The following IGHMBP2 variants were observed in gnomAD, a reference collection of about 807,000 sequenced individuals.
IGHMBP2 encodes the protein DNA-binding protein SMUBP-2.
IGHMBP2 carries 81 observed loss-of-function variants against 96.0 expected under a neutral mutation model. The observed-to-expected ratio is 0.84, with a 90% CI of 0.71 to 1.01. The LOEUF (loss-of-function observed/expected upper bound fraction) is 1.01. Among genes scored for constraint, IGHMBP2 ranks in the 50% least tolerant of loss-of-function variants. The pLI, the probability that IGHMBP2 is intolerant of heterozygous loss-of-function variation, is 0.00. For synonymous variants in IGHMBP2, 557 were observed against 548.9 expected (o/e 1.01, Z -0.21); for missense variants, 1,227 against 1,306.3 (o/e 0.94, Z 0.94).
At chr11:68,912,916 C>G (rs1594424489) in intron 5 of IGHMBP2, among the ~76,000 whole-genome samples, 1 of 151,892 alleles carries the variant, frequency 6.6e-6, no homozygotes, top group African/African-American at 2.4e-5. Flanking sequence ...GTGGCACACA[C>G]CTGCAATCCC....
chr11:68,913,330 G>A (rs967229797), intron 5 of IGHMBP2, among the ~76,000 whole-genome samples: 6 of 152,170 alleles, frequency 3.9e-5, no homozygotes, highest in Non-Finnish European at 7.3e-5. Flanking sequence ...ACACCTGTGT[G>A]CACGCTTTGG....
At chr11:68,925,993 A>G (rs1171149038) in intron 7 of IGHMBP2, among the ~76,000 whole-genome samples, 1 of 146,350 alleles carries the variant, frequency 6.8e-6, no homozygotes, top group Non-Finnish European at 1.5e-5. Context: ...AAATTTGGGG[A>G]GTTTTCAGCC....
chr11:68,927,047 G>A (rs2154008120), intron 7 of IGHMBP2, among the ~76,000 whole-genome samples: 1 of 152,346 alleles, frequency 6.6e-6, no homozygotes, highest in East Asian at 1.9e-4. Flanking sequence ...ACAGGCGTAA[G>A]CCACTGCTCC....
chr11:68,932,970 TCTGA>T (rs1859373374), intron 8 of IGHMBP2: 1 of 419,000 alleles, frequency 2.4e-6, no homozygotes, highest in Non-Finnish European at 4.5e-6. Flanking sequence ...GGTGACCTTC[TCTGA>T]CTGACCCTCG....
At chr11:68,926,733 T>A (rs181319715) in intron 7 of IGHMBP2, among the ~76,000 whole-genome samples, 79 of 152,336 alleles carry the variant, frequency 5.2e-4, no homozygotes, top group African/African-American at 1.8e-3. Context: ...AAGATCAGCA[T>A]CTGGGCTTTC....
chr11:68,918,515 A>G (rs191675144), intron 7 of IGHMBP2, among the ~76,000 whole-genome samples: 1 of 152,078 alleles, frequency 6.6e-6, no homozygotes, highest in East Asian at 1.9e-4. Flanking sequence ...TGTGGTATGC[A>G]CCTGTAATTC....
At position 68,919,800 on chromosome 11, in the gene IGHMBP2, A is replaced by G. The variant is rs201579802; in HGVS notation, c.1060+1917A>G. 2.2e-4 allele frequency among the ~76,000 whole-genome samples: 33 copies of G among 152,336 alleles called. No homozygotes were observed. In the East Asian group the frequency reaches 5.8e-3, roughly 27 times the overall value. On this transcript the variant is annotated intron_variant, in intron 7 of 14. Transcript: ENST00000255078. ...GTTTTCTTGATTAATTAACAAATTTATCATTATGAAATGACCTTCTTTATC... is the reference window on the plus strand; with the variant it reads ...GTTTTCTTGATTAATTAACAAATTTGTCATTATGAAATGACCTTCTTTATC...
At chr11:68,932,956 C>T (rs478647) in intron 8 of IGHMBP2, 107,462 of 377,982 alleles carry the variant, frequency 0.28, 17,136 homozygotes, top group South Asian at 0.45. Context: ...AAATCTCTCC[C>T]CTCGGTGACC....
intron 10 of IGHMBP2, 154 bp downstream of exon 10, chr11:68,934,067 C>A: frequency 1.4e-6 from 1 of 697,796 alleles, no homozygotes; most frequent in South Asian, 1.6e-5. Context: ...AGAGGCTGAG[C>A]AGCATCGTTT....
In IGHMBP2 at chr11:68,910,881, C is replaced by CA. The variant is rs10599717; in HGVS notation, c.548-541dup. Among the ~76,000 whole-genome samples the CA allele has an allele frequency of 3.3e-3, 397 of 120,782 alleles. 3 individuals carry two copies. Among genetic ancestry groups the CA allele is most frequent in the African/African-American group, 0.011 (348 of 30,806 alleles). 79.2% of individuals were successfully genotyped at this position (120,782 alleles called of 152,430 possible). A position where few individuals can be genotyped will look rare whatever the true frequency, so the allele number is the denominator to read the frequency against. On this transcript the variant is annotated intron_variant, in intron 4 of 14. Coordinates refer to ENST00000255078, the MANE Select transcript of IGHMBP2 (RefSeq NM_002180.3). Reference sequence around the variant, plus strand: ...CTGGGTGACAAGCAAGACTCCATCTCAAAAAAAAAAAAAAAAAAGAAGCAG... The same window carrying CA: ...CTGGGTGACAAGCAAGACTCCATCTCAAAAAAAAAAAAAAAAAAAGAAGCAG...
At chr11:68,922,457 G>A (rs190078506) in intron 7 of IGHMBP2, among the ~76,000 whole-genome samples, 80 of 151,826 alleles carry the variant, frequency 5.3e-4, no homozygotes, top group African/African-American at 1.4e-3. Context: ...GTGCCGTGGC[G>A]CAATCTTGGC....
intron 13 of IGHMBP2, chr11:68,937,905 C>T: frequency 2.0e-6 from 1 of 488,402 alleles, no homozygotes; most frequent in Non-Finnish European, 3.7e-6. Context: ...CTGATGCCAC[C>T]CCTGCCCCCA....
intron 1 of IGHMBP2, 35 bp from the exon 2 acceptor site, chr11:68,906,034 A>G: frequency 6.2e-7 from 1 of 1,609,286 alleles, no homozygotes; most frequent in Non-Finnish European, 8.5e-7. Context: ...GAAACTAGTA[A>G]AAATCCTGAA....
At position 68,936,450 on chromosome 11, in the gene IGHMBP2, A is replaced by C. The variant is rs1859531759; in HGVS notation, c.1970A>C (p.Gln657Pro). Residue 657 changes from glutamine (Q) to proline (P), a missense_variant, in exon 13 of 15, where the codon CAG becomes CCG. Transcript: ENST00000255078. ...GAAAACTATTCCCATGAGAACTCCC[A>C]GGGTTCCAGCCACGCTGCCACCAAG... Reference protein sequence around the residue: ...VPENYSHENSQGSSHAATKPQ... With the variant: ...VPENYSHENSPGSSHAATKPQ... The C allele has an allele frequency of 6.2e-7, 1 of 1,613,878 alleles. No homozygotes were observed. The highest frequency in any genetic ancestry group is 8.5e-7 in the Non-Finnish European group (1 of 1,180,014).
intron 4 of IGHMBP2, among the ~76,000 whole-genome samples, chr11:68,909,201 A>C (rs1358192219): frequency 1.7e-5 from 2 of 117,486 alleles, no homozygotes; most frequent in African/African-American, 6.5e-5. Context: ...GGGGGGGCGG[A>C]TGGAGTCTCG....
At chr11:68,904,295 A>T (rs1438887598) in intron 1 of IGHMBP2, among the ~76,000 whole-genome samples, 1 of 150,836 alleles carries the variant, frequency 6.6e-6, no homozygotes, top group African/African-American at 2.4e-5. Context: ...CTAAGCTTAC[A>T]CTCCTGGGCC....
In IGHMBP2 at chr11:68,914,536, G is replaced by A. The variant is rs12418618; in HGVS notation, c.712-287G>A. 0.18 allele frequency among the ~76,000 whole-genome samples: 27,977 copies of A among 152,122 alleles called. 2,975 individuals carry two copies. The highest frequency in any genetic ancestry group is 0.25 in the Non-Finnish European group (16,709 of 67,964). ...TGTTTACAGCTCTGTGAGTTACAGG[G>A]TGCTCTCTTAGTTTGCCGTCTATAG... On this transcript the variant is annotated intron_variant, in intron 5 of 14. Transcript: ENST00000255078.
chr11:68,929,974 C>A, intron 8 of IGHMBP2: 1 of 1,011,438 alleles, frequency 9.9e-7, no homozygotes, highest in Non-Finnish European at 1.2e-6. Flanking sequence ...CCCGCCCCCC[C>A]AGCCCCCCTC....
intron 8 of IGHMBP2, 53 bp from the exon 9 acceptor site, chr11:68,933,246 C>A: frequency 6.4e-7 from 1 of 1,554,256 alleles, no homozygotes; most frequent in South Asian, 1.2e-5. Flanking sequence ...GTGGTTCACA[C>A]CTGGACTCTG....
Sources: gnomAD v4.1 joint callset for allele counts (sites outside exome capture counted in the v4.1 genomes callset) on GRCh38, gnomAD v4.1.1 for gene constraint, MANE v1.5 for transcripts, NCBI Gene and HGNC (gene_info 2026-07-23, HGNC 2026-07-21) for gene names.